Variants in MYADML2 observed in about 807,000 individuals in gnomAD.
MYADML2 encodes myeloid-associated differentiation marker-like protein 2.
MYADML2 carries 17 observed loss-of-function variants against 16.0 expected under a neutral mutation model. That is an observed-to-expected ratio of 1.06 (90% CI 0.73 to 1.60). The LOEUF is 1.60. MYADML2 is among the 40% of genes most tolerant of loss of function. The pLI, the probability that MYADML2 is intolerant of heterozygous loss-of-function variation, is 0.00. For missense variants in MYADML2, 422 were observed against 437.7 expected (o/e 0.96, Z 0.32); for synonymous variants, 210 against 208.1 (o/e 1.01, Z -0.08).
intron 1 of MYADML2, among the ~76,000 whole-genome samples, chr17:81,943,368 C>T (rs557823551): frequency 3.1e-4 from 46 of 146,516 alleles, no homozygotes; most frequent in Non-Finnish European, 5.4e-4. Context: ...TGTGCCCGGC[C>T]GGAAAAAATG....
At chr17:81,946,269 C>T (rs572598764) in intron 1 of MYADML2, among the ~76,000 whole-genome samples, 11 of 150,932 alleles carry the variant, frequency 7.3e-5, no homozygotes, top group Admixed American at 7.2e-4. Context: ...GCAGGAGAAT[C>T]GCTTGAACCC....
chr17:81,945,070 A>C (rs1045594258), intron 1 of MYADML2, among the ~76,000 whole-genome samples: 27 of 152,088 alleles, frequency 1.8e-4, no homozygotes, highest in African/African-American at 5.8e-4. Context: ...GTTCCAGACC[A>C]GCCTGGCCAA....
At chr17:81,946,083 G>T (rs371572768) in intron 1 of MYADML2, among the ~76,000 whole-genome samples, 1 of 152,012 alleles carries the variant, frequency 6.6e-6, no homozygotes, top group African/African-American at 2.4e-5. Context: ...GGCCCGGCGC[G>T]GTGGGTCACG....
At position 81,941,684 on chromosome 17, in the gene MYADML2, A is replaced by T; in HGVS notation, c.58T>A (p.Ser20Thr). The T allele has an allele frequency of 6.5e-7, 1 of 1,546,616 alleles. No homozygotes were observed. The highest frequency in any genetic ancestry group is 8.7e-7 in the Non-Finnish European group (1 of 1,144,666). Residue 20 changes from serine to threonine, a missense_variant, in exon 3 of 3, where the codon TCC (serine) becomes ACC (threonine). Ser to Thr is a moderately conservative substitution (Grantham distance 58, BLOSUM62 1). Coordinates refer to ENST00000409745, the MANE Select transcript of MYADML2 (RefSeq NM_001145113.3). ...GAYLHLGAVT[S>T]PVGTARVLQL... ...AGCACGCGGGCTGTGCCCACAGGGG[A>T]TGTCACGGCGCCCAGGTGCAGGTAC...
In MYADML2 at chr17:81,941,399, A is replaced by T; in HGVS notation, c.343T>A (p.Cys115Ser). 4 of 1,548,770 alleles carry T rather than the reference A, an allele frequency of 2.6e-6. No individual in the cohort carries two copies. Among genetic ancestry groups the T allele is most frequent in the Non-Finnish European group, 3.5e-6 (4 of 1,146,318 alleles). ...GCACAGCCGGCGGGCTCGGGGGAACACTCCCGCCGGGCAAAGTACAGCGGA... is the reference window on the plus strand; with the variant it reads ...GCACAGCCGGCGGGCTCGGGGGAACTCTCCCGCCGGGCAAAGTACAGCGGA... ...LYPLYFARRE[C>S]SPEPAGCAAR... Residue 115 changes from cysteine to serine, a missense_variant, in exon 3 of 3, where the codon TGT becomes AGT. Transcript: ENST00000409745.
At chr17:81,944,000 T>C (rs2041324891) in intron 1 of MYADML2, among the ~76,000 whole-genome samples, 1 of 151,490 alleles carries the variant, frequency 6.6e-6, no homozygotes. Flanking sequence ...TAGTCCCAGC[T>C]ACTCAGGAGG....
rs1263800663 is a variant in MYADML2 at position 81,939,662 on chromosome 17, A to G, written c.*1156T>C. 1 of 152,236 alleles carries G rather than the reference A, an allele frequency of 6.6e-6. No homozygotes were observed. The highest frequency in any genetic ancestry group is 1.5e-5 in the Non-Finnish European group (1 of 68,062). The allele number at this position is 152,236 out of a possible 1,614,324, so 9.4% of individuals were successfully genotyped here. A position where few individuals can be genotyped will look rare whatever the true frequency, so the allele number is the denominator to read the frequency against. On this transcript the variant is annotated 3_prime_UTR_variant, in exon 3 of 3. Transcript: ENST00000409745. The stretch of plus-strand genomic sequence containing the variant: ...AGGCAGGGTACGTATAAATGTCAGC[A>G]TTTATTTCCTGCTCAAGGACGTCAA...
At chr17:81,944,390 C>CA (rs778709387) in intron 1 of MYADML2, among the ~76,000 whole-genome samples, 122 of 72,134 alleles carry the variant, frequency 1.7e-3, no homozygotes, top group Admixed American at 2.7e-3. Flanking sequence ...CGAGACTCCT[C>CA]AAAAAAAAAA....
Position 81,941,255 on chromosome 17 carries a change from C to T in MYADML2, c.487G>A (p.Val163Met). ...PGQVSSYMAT[V>M]SGLLKIVQAF... ...TGGACGATCTTGAGGAGCCCCGACA[C>T]CGTGGCCATATAGCTGCTCACCTGG... The change falls in exon 3 of 3, where the codon GTG becomes ATG. Residue 163 changes from valine (V) to methionine (M), a missense_variant. By Grantham distance (21) the Val-to-Met change is conservative (BLOSUM62 1). Transcript: ENST00000409745. 2 of 1,550,140 alleles carry T rather than the reference C, an allele frequency of 1.3e-6. No homozygotes were observed. Among genetic ancestry groups the T allele is most frequent in the South Asian group, 1.2e-5 (1 of 84,064 alleles).
Position 81,940,926 on chromosome 17 carries a change from A to T in MYADML2, c.816T>A (p.Cys272Ter), listed in dbSNP as rs774177998. The T allele has an allele frequency of 1.0e-5, 16 of 1,549,060 alleles. No homozygotes were observed. The highest frequency in any genetic ancestry group is 1.4e-5 in the Non-Finnish European group (16 of 1,145,862). ...CCACCACCAGCTGGCTGTCCCAGGG[A>T]CAGCTGCCCCGAGCACAGTTGGGGG... The part of the protein sequence containing the change: ...KRPPNCARGS[C>*]PWDSQLVVAI... Residue 272 changes from cysteine (C) to a stop codon, truncating the protein, a stop_gained, in exon 3 of 3, where the codon TGT becomes TGA. Coordinates refer to ENST00000409745, the MANE Select transcript of MYADML2 (RefSeq NM_001145113.3). LOFTEE classifies it high-confidence loss of function.
Position 81,941,566 on chromosome 17 carries a change from C to A in MYADML2, c.176G>T (p.Gly59Val), listed in dbSNP as rs1167709172. ...CAGCGCAGAGACGGCGAAGCAGAAG[C>A]CCCAGGCGGCCATGCAGAAGGTGCC... ...VQGTFCMAAW[G>V]FCFAVSALVV... Residue 59 changes from glycine (G) to valine (V), a missense_variant, in exon 3 of 3, where the codon GGC (glycine) becomes GTC (valine). Transcript: ENST00000409745. 1.9e-6 allele frequency: 3 copies of A among 1,548,312 alleles called. No homozygotes were observed. Among genetic ancestry groups the A allele is most frequent in the Admixed American group, 2.0e-5 (1 of 51,004 alleles).
intron 2 of MYADML2, 69 bp from the exon 3 acceptor site, chr17:81,941,912 C>T (rs1156495736): frequency 9.7e-6 from 6 of 621,106 alleles, no homozygotes; most frequent in African/African-American, 5.5e-5. Context: ...GAGGCGGCTC[C>T]CCCCAGCGCT....
chr17:81,943,369 G>A (rs577264299), intron 1 of MYADML2, among the ~76,000 whole-genome samples: 8 of 146,916 alleles, frequency 5.4e-5, no homozygotes, highest in Non-Finnish European at 9.0e-5. Context: ...GTGCCCGGCC[G>A]GAAAAAATGA....
rs982415384 is a variant in MYADML2, at chr17:81,940,833, G to T, written c.909C>A (p.Phe303Leu). ...CCACTGTGGGCTACAGGCTGGGCAC[G>T]AAGCGAATCCTCTGGGAGTAGGCGA... ...VDLAYSQRIR[F>L]VPSL is the part of the protein sequence containing the mutation. Residue 303 changes from phenylalanine to leucine, a missense_variant, in exon 3 of 3, where the codon TTC (phenylalanine) becomes TTA (leucine). By Grantham distance (22) the Phe-to-Leu change is conservative (BLOSUM62 0). Transcript: ENST00000409745. 1 of 1,505,536 alleles carries T rather than the reference G, an allele frequency of 6.6e-7. No individual in the cohort carries two copies. Among genetic ancestry groups the T allele is most frequent in the Admixed American group, 2.1e-5 (1 of 48,548 alleles). The allele number at this position is 1,505,536 out of a possible 1,614,324, so 93.3% of individuals were successfully genotyped here. A position where few individuals can be genotyped will look rare whatever the true frequency, so the allele number is the denominator to read the frequency against.
Position 81,941,919 on chromosome 17 carries a change from C to T in MYADML2, c.-102-76G>A, listed in dbSNP as rs566394409. On this transcript the variant is annotated intron_variant, in intron 2 of 2. Transcript: ENST00000409745. ...GTCTATGTGAGGCGGCTCCCCCCAG[C>T]GCTATAAATAGACAGCCGTGATCAG... The T allele has an allele frequency of 3.3e-4, 198 of 600,130 alleles. 2 individuals carry two copies. Among genetic ancestry groups the T allele is most frequent in the Middle Eastern group, 1.4e-3 (3 of 2,220 alleles). The allele number at this position is 600,130 out of a possible 1,614,324, so 37.2% of individuals were successfully genotyped here.
intron 1 of MYADML2, among the ~76,000 whole-genome samples, chr17:81,946,476 G>C (rs184285800): frequency 5.3e-5 from 8 of 150,990 alleles, no homozygotes; most frequent in Admixed American, 5.3e-4. Flanking sequence ...GTGAAACCCC[G>C]TCTCTACTAA....
chr17:81,944,001 A>G (rs113732427), intron 1 of MYADML2, among the ~76,000 whole-genome samples: 182 of 151,642 alleles, frequency 1.2e-3, no homozygotes, highest in African/African-American at 4.4e-3. Context: ...AGTCCCAGCT[A>G]CTCAGGAGGC....
Position 81,941,642 on chromosome 17 carries a change from A to G in MYADML2, c.100T>C (p.Cys34Arg), listed in dbSNP as rs1022110085. The G allele has an allele frequency of 6.5e-7, 1 of 1,549,568 alleles. No individual in the cohort carries two copies. Among genetic ancestry groups the G allele is most frequent in the Non-Finnish European group, 8.7e-7 (1 of 1,146,834 alleles). Residue 34 changes from cysteine to arginine, a missense_variant, in exon 3 of 3, where the codon TGC becomes CGC. Cys to Arg is a radical substitution (Grantham distance 180). Coordinates refer to ENST00000409745, the MANE Select transcript of MYADML2 (RefSeq NM_001145113.3). ...TARVLQLAFG[C>R]TTFSLVAHRG... ...TGGGCCACCAGGCTGAAGGTAGTGC[A>G]GCCAAAGGCCAGCTGCAGCACGCGG...
rs558946215 is a variant in MYADML2 at position 81,940,872 on chromosome 17, C to T, written c.870G>A (p.Leu290=). Residue 290 remains leucine (L), a synonymous_variant, in exon 3 of 3, where the codon CTG becomes CTA. Coordinates refer to ENST00000409745, the MANE Select transcript of MYADML2 (RefSeq NM_001145113.3). ...VAIFTYVNLL[L]YVVDLAYSQR... is the part of the protein sequence containing the mutation. ...GGGAGTAGGCGAGGTCAACGACGTA[C>T]AGGAGCAGGTTGACGTAGGTGAAGA... The T allele has an allele frequency of 1.9e-6, 3 of 1,542,104 alleles. No homozygotes were observed. The Admixed American group carries it at 5.9e-5, about 30-fold the overall frequency.
Sources: gnomAD v4.1 joint callset for allele counts (sites outside exome capture counted in the v4.1 genomes callset) on GRCh38, gnomAD v4.1.1 for gene constraint, MANE v1.5 for transcripts, NCBI Gene and HGNC (gene_info 2026-07-23, HGNC 2026-07-21) for gene names.